Variants in SKIC3 observed in about 807,000 individuals in gnomAD.
SKIC3 encodes superkiller complex protein 3.
chr5:95,471,751 C>T, the SKIC3 span, among the ~76,000 whole-genome samples: 34 of 152,206 alleles, frequency 2.2e-4, no homozygotes, highest in African/African-American at 8.2e-4. Context: ...TTAACTGGTG[C>T]CATTGTAAGG....
At chr5:95,534,300 CATA>C in the SKIC3 span, among the ~76,000 whole-genome samples, 1 of 152,168 alleles carries the variant, frequency 6.6e-6, no homozygotes, top group Admixed American at 6.5e-5. Context: ...GCAACACTCT[CATA>C]ATGTTAACTA....
At chr5:95,520,606 G>T in the SKIC3 span, 1 of 822,792 alleles carries the variant, frequency 1.2e-6, no homozygotes, top group Non-Finnish European at 1.9e-6. Context: ...CTTTATGTTT[G>T]ACATTCTGAG....
At chr5:95,488,347 T>C in the SKIC3 span, among the ~76,000 whole-genome samples, 1 of 152,110 alleles carries the variant, frequency 6.6e-6, no homozygotes, top group African/African-American at 2.4e-5. Flanking sequence ...TGCACAAATA[T>C]TTACAATTCC....
At chr5:95,490,959 G>A in the SKIC3 span, 2 of 1,614,026 alleles carry the variant, frequency 1.2e-6, no homozygotes, top group East Asian at 2.2e-5. Flanking sequence ...ATCCTCTTTG[G>A]CTGAGTGTTG....
At chr5:95,536,445 A>C in the SKIC3 span, 1 of 241,930 alleles carries the variant, frequency 4.1e-6, no homozygotes, top group Non-Finnish European at 8.1e-6. Context: ...TAACAAGCAA[A>C]CCTATTTTAC....
the SKIC3 span, among the ~76,000 whole-genome samples, chr5:95,534,267 A>G: frequency 6.7e-6 from 1 of 150,270 alleles, no homozygotes; most frequent in African/African-American, 2.4e-5. Context: ...TGCTTGATGT[A>G]CCTCATCCTC....
At chr5:95,522,132 G>A in the SKIC3 span, 2 of 1,613,782 alleles carry the variant, frequency 1.2e-6, no homozygotes, top group Non-Finnish European at 1.7e-6. Flanking sequence ...TATTTGCCTA[G>A]GATTTGCTGT....
the SKIC3 span, chr5:95,515,142 G>C: frequency 1.3e-5 from 6 of 475,704 alleles, no homozygotes; most frequent in East Asian, 2.0e-4. Context: ...CAGGTTAGGA[G>C]TTCTGAACCC....
the SKIC3 span, among the ~76,000 whole-genome samples, chr5:95,491,283 A>C: frequency 1.3e-5 from 2 of 152,224 alleles, no homozygotes; most frequent in Non-Finnish European, 2.9e-5. Context: ...CTGTTCATCC[A>C]TGGCTGGTTA....
At chr5:95,514,937 G>A in the SKIC3 span, 1 of 1,610,880 alleles carries the variant, frequency 6.2e-7, no homozygotes, top group Admixed American at 1.7e-5. Context: ...GGAAAAAAAG[G>A]CAAAAAATAT....
At chr5:95,501,418 C>T in the SKIC3 span, among the ~76,000 whole-genome samples, 7 of 152,058 alleles carry the variant, frequency 4.6e-5, no homozygotes, top group African/African-American at 1.4e-4. Context: ...CCCCTTAAAT[C>T]AGTGTCTAGT....
At chr5:95,504,847 A>G in the SKIC3 span, among the ~76,000 whole-genome samples, 14 of 152,082 alleles carry the variant, frequency 9.2e-5, no homozygotes, top group African/African-American at 3.4e-4. Flanking sequence ...ATAAAAAAAA[A>G]TACAAAAATT....
At chr5:95,516,614 G>C in the SKIC3 span, 1 of 1,613,100 alleles carries the variant, frequency 6.2e-7, no homozygotes, top group Admixed American at 1.7e-5. Flanking sequence ...TGATGAAACT[G>C]AACTTTGTTT....
chr5:95,550,388 G>A, the SKIC3 span, among the ~76,000 whole-genome samples: 62 of 148,766 alleles, frequency 4.2e-4, no homozygotes, highest in African/African-American at 1.5e-3. Flanking sequence ...GACAACGGAA[G>A]CTAATTACAG....
chr5:95,468,608 T>A, the SKIC3 span, among the ~76,000 whole-genome samples: 1 of 152,164 alleles, frequency 6.6e-6, no homozygotes, highest in South Asian at 2.1e-4. Flanking sequence ...AAAAACAACA[T>A]AAACCATTAG....
chr5:95,537,243 A>G, the SKIC3 span: 376 of 1,036,404 alleles, frequency 3.6e-4, no homozygotes, highest in African/African-American at 5.5e-3. Flanking sequence ...TTAACTGCAA[A>G]TGTATTCTAC....
At chr5:95,544,652 T>C in the SKIC3 span, among the ~76,000 whole-genome samples, 3 of 152,210 alleles carry the variant, frequency 2.0e-5, no homozygotes, top group African/African-American at 7.2e-5. Context: ...TTAATGCTTA[T>C]GTTCCCAACA....
At chr5:95,512,977 C>G in the SKIC3 span, 1 of 253,924 alleles carries the variant, frequency 3.9e-6, no homozygotes, top group Non-Finnish European at 7.6e-6. Flanking sequence ...ACCATGCCTA[C>G]TCCTTATCTC....
the SKIC3 span, among the ~76,000 whole-genome samples, chr5:95,504,711 G>A: frequency 1.3e-5 from 2 of 151,646 alleles, no homozygotes; most frequent in Non-Finnish European, 2.9e-5. Flanking sequence ...TGTGTTTAAG[G>A]GAGAGGAAGC....
Sources: allele counts gnomAD v4.1 joint callset (sites outside exome capture counted in the v4.1 genomes callset), GRCh38; gene constraint gnomAD v4.1.1; transcripts MANE v1.5; gene names NCBI Gene and HGNC (gene_info 2026-07-23, HGNC 2026-07-21).